The following ANPEP variants were observed in gnomAD, a reference collection of about 807,000 sequenced individuals.
ANPEP encodes alanyl aminopeptidase, membrane, also known as aminopeptidase N.
In ANPEP, 70 loss-of-function variants were observed where a neutral mutation model predicts 114.6. The observed-to-expected ratio is 0.61, with a 90% CI of 0.50 to 0.75. ANPEP has a LOEUF of 0.75. Among genes scored for constraint, ANPEP ranks in the 30% least tolerant of loss-of-function variants. ANPEP has a pLI of 0.00. For missense variants in ANPEP, 1,184 were observed against 1,259.5 expected (o/e 0.94, Z 0.91); for synonymous variants, 548 against 522.3 (o/e 1.05, Z -0.67).
chr15:89,803,608 C>T lies in ANPEP; in HGVS notation c.1437+39G>A. ...AGTGAGGCCCCTCCAGGCCAAGTCC[C>T]CACCTCCTTCCCCGTGCCCCACGAG... is the stretch of plus-strand genomic sequence containing the variant. On this transcript the variant is annotated intron_variant, in intron 8 of 20. Transcript: ENST00000300060. The surrounding 1 kb of genome is among the most constrained non-coding windows in gnomAD (Gnocchi z 4.2). The T allele has an allele frequency of 1.2e-6, 2 of 1,603,450 alleles. No individual in the cohort carries two copies. Among genetic ancestry groups the T allele is most frequent in the Non-Finnish European group, 1.7e-6 (2 of 1,174,264 alleles).
intron 1 of ANPEP, among the ~76,000 whole-genome samples, chr15:89,807,984 C>T (rs1894752144): frequency 6.6e-6 from 1 of 152,152 alleles, no homozygotes; most frequent in African/African-American, 2.4e-5. Context: ...CCCCTATGGA[C>T]TCCCTGCCTC....
At position 89,806,470 on chromosome 15, in the gene ANPEP, G is replaced by A. The variant is rs777907432; in HGVS notation, c.114C>T (p.Asn38=). ...CCACGGGGGAGCTGTTGGCGTTCTT[G>A]TTCTTCTCCTGGGAGTACACCACTG... ...ALSVVYSQEK[N]KNANSSPVAS... is the part of the protein sequence containing the mutation. Residue 38 remains asparagine (N), a synonymous_variant, in exon 2 of 21, where the codon AAC becomes AAT. Coordinates refer to ENST00000300060, the MANE Select transcript of ANPEP (RefSeq NM_001150.3). This position sits in a 1 kb window ranked among gnomAD's most constrained non-coding sequence, Gnocchi z 5.7. 6.2e-6 allele frequency: 10 copies of A among 1,614,014 alleles called. No homozygotes were observed. Among genetic ancestry groups the A allele is most frequent in the African/African-American group, 5.3e-5 (4 of 74,902 alleles).
At chr15:89,796,644 C>T (rs144831976) in intron 15 of ANPEP, among the ~76,000 whole-genome samples, 1,732 of 151,602 alleles carry the variant, frequency 0.011, 23 homozygotes, top group African/African-American at 0.04. Context: ...CCCGCCACCA[C>T]GCCTGGCTAA....
chr15:89,790,211 G>C (rs925784290), intron 20 of ANPEP, among the ~76,000 whole-genome samples: 10 of 152,148 alleles, frequency 6.6e-5, no homozygotes, highest in African/African-American at 2.4e-5. Context: ...GTTGAACCTG[G>C]GTAACGGGTA....
intron 14 of ANPEP, 108 bp from the exon 15 acceptor site, chr15:89,797,830 G>A: frequency 1.4e-6 from 2 of 1,453,592 alleles, no homozygotes; most frequent in Non-Finnish European, 1.9e-6. Flanking sequence ...TAGGCCCCCT[G>A]TATCCACTCC....
chr15:89,813,456 G>A (rs904086126), intron 1 of ANPEP, among the ~76,000 whole-genome samples: 1 of 152,194 alleles, frequency 6.6e-6, no homozygotes, highest in East Asian at 1.9e-4. Context: ...ACACTGGGCC[G>A]GTTTCCCCAC....
intron 1 of ANPEP, among the ~76,000 whole-genome samples, chr15:89,813,528 T>C (rs961977216): frequency 6.6e-6 from 1 of 152,134 alleles, no homozygotes; most frequent in Admixed American, 6.5e-5. Flanking sequence ...CCTTCGAGGC[T>C]AGGGCTCCAC....
At chr15:89,811,304 A>G (rs1894811279) in intron 1 of ANPEP, among the ~76,000 whole-genome samples, 1 of 152,188 alleles carries the variant, frequency 6.6e-6, no homozygotes, top group Non-Finnish European at 1.5e-5. Context: ...CGATAAAATC[A>G]TGGTTGGATG....
intron 1 of ANPEP, among the ~76,000 whole-genome samples, chr15:89,810,560 C>T (rs543232318): frequency 4.7e-5 from 7 of 150,368 alleles, no homozygotes; most frequent in East Asian, 1.9e-4. Flanking sequence ...GACAACAGAA[C>T]GAGACTCTGT....
In ANPEP at chr15:89,797,625, T is replaced by C; in HGVS notation, c.2107A>G (p.Ser703Gly). 1 of 1,614,142 alleles carries C rather than the reference T, an allele frequency of 6.2e-7. No homozygotes were observed. Among genetic ancestry groups the C allele is most frequent in the Non-Finnish European group, 8.5e-7 (1 of 1,180,018 alleles). Residue 703 changes from serine (S) to glycine (G), a missense_variant, in exon 15 of 21, where the codon AGC becomes GGC. By Grantham distance (56) the Ser-to-Gly change is moderately conservative. Coordinates refer to ENST00000300060, the MANE Select transcript of ANPEP (RefSeq NM_001150.3). ...MPWEAALSSL[S>G]YFKLMFDRSE... ...CGGTCAAACATGAGCTTGAAGTAGC[T>C]CAGGCTGCTCAGGGCGGCCTCCCAG...
intron 15 of ANPEP, among the ~76,000 whole-genome samples, chr15:89,793,381 T>C (rs960703691): frequency 1.3e-4 from 20 of 152,068 alleles, no homozygotes; most frequent in African/African-American, 4.6e-4. Flanking sequence ...ATATAAAATG[T>C]TGGGTTTTCC....
rs1345552707 is a variant in ANPEP at position 89,803,758 on chromosome 15, G to A, written c.1326C>T (p.Arg442=). ...AGGCCAGTGCATCCACTGCCATCAC[G>A]CGGTACACATCATTCAGCACCATGA... ...KDLMVLNDVY[R]VMAVDALASS... The change falls in exon 8 of 21, where the codon CGC becomes CGT. Residue 442 remains arginine, a synonymous_variant. Transcript: ENST00000300060. The surrounding 1 kb of genome is among the most constrained non-coding windows in gnomAD (Gnocchi z 4.2). 4 of 1,610,296 alleles carry A rather than the reference G, an allele frequency of 2.5e-6. No individual in the cohort carries two copies. Among genetic ancestry groups the A allele is most frequent in the African/African-American group, 1.3e-5 (1 of 74,980 alleles).
chr15:89,796,643 A>G (rs986952920), intron 15 of ANPEP, among the ~76,000 whole-genome samples: 4 of 150,626 alleles, frequency 2.7e-5, no homozygotes, highest in African/African-American at 9.7e-5. Context: ...GCCCGCCACC[A>G]CGCCTGGCTA....
intron 15 of ANPEP, among the ~76,000 whole-genome samples, chr15:89,794,358 C>T (rs1034331077): frequency 2.0e-5 from 3 of 152,084 alleles, no homozygotes; most frequent in African/African-American, 7.2e-5. Flanking sequence ...GTGGCAGGCG[C>T]CTGTAATCCC....
chr15:89,793,666 G>A (rs1968675270), intron 15 of ANPEP, among the ~76,000 whole-genome samples: 1 of 136,294 alleles, frequency 7.3e-6, no homozygotes, highest in African/African-American at 2.9e-5. Flanking sequence ...TCACGCCACT[G>A]CACTCCAGCC....
At chr15:89,802,898 A>G (rs1488590186) in intron 10 of ANPEP, among the ~76,000 whole-genome samples, 1 of 151,890 alleles carries the variant, frequency 6.6e-6, no homozygotes, top group Non-Finnish European at 1.5e-5. Context: ...AGGAGTGGGG[A>G]GAAGGTTGAA....
In ANPEP at chr15:89,806,167, C is replaced by A. The variant is rs1174099235; in HGVS notation, c.417G>T (p.Leu139=). Residue 139 remains leucine, a synonymous_variant, in exon 2 of 21, where the codon CTG becomes CTT. Transcript: ENST00000300060. The surrounding 1 kb of genome is among the most constrained non-coding windows in gnomAD (Gnocchi z 5.7). ...YTLSQGHRVV[L]RGVGGSQPPD... is the part of the protein sequence containing the mutation. ...GGGGCTGGGAGCCTCCCACACCACGCAGGACCACCCTGTGCCCCTGGCTGA... is the reference window on the plus strand; with the variant it reads ...GGGGCTGGGAGCCTCCCACACCACGAAGGACCACCCTGTGCCCCTGGCTGA... 1 of 1,614,114 alleles carries A rather than the reference C, an allele frequency of 6.2e-7. No individual in the cohort carries two copies. Among genetic ancestry groups the A allele is most frequent in the South Asian group, 1.1e-5 (1 of 91,086 alleles).
Position 89,801,607 on chromosome 15 carries a change from C to A in ANPEP, c.1570G>T (p.Ala524Ser), listed in dbSNP as rs755732462. ...AGTTGGATGGACCGGTTGTTCACAGCCTGTGGGTGGAGCGAGAGGGCGTGG... is the reference window on the plus strand; with the variant it reads ...AGTTGGATGGACCGGTTGTTCACAGACTGTGGGTGGAGCGAGAGGGCGTGG... The part of the protein sequence containing the change: ...YLNLWDHLQE[A>S]VNNRSIQLPT... Residue 524 changes from alanine to serine, a missense_variant and splice_region_variant, in exon 11 of 21, where the codon GCT becomes TCT. By Grantham distance (99) the Ala-to-Ser change is moderately conservative (BLOSUM62 1). Coordinates refer to ENST00000300060, the MANE Select transcript of ANPEP (RefSeq NM_001150.3). 3.1e-6 allele frequency: 5 copies of A among 1,613,238 alleles called. No individual in the cohort carries two copies. Among genetic ancestry groups the A allele is most frequent in the Non-Finnish European group, 4.2e-6 (5 of 1,179,424 alleles).
chr15:89,796,737 C>T (rs533081844), intron 15 of ANPEP, among the ~76,000 whole-genome samples: 81 of 152,072 alleles, frequency 5.3e-4, no homozygotes, highest in African/African-American at 1.8e-3. Flanking sequence ...CCTCGTGATC[C>T]GCCTGCCTCG....
Sources: allele counts gnomAD v4.1 joint callset (sites outside exome capture counted in the v4.1 genomes callset), GRCh38; gene constraint gnomAD v4.1.1; non-coding constraint Gnocchi (gnomAD v3.1); transcripts MANE v1.5; gene names NCBI Gene and HGNC (gene_info 2026-07-23, HGNC 2026-07-21).